The following MICU2 variants were observed in gnomAD, a reference collection of about 807,000 sequenced individuals.
MICU2 encodes mitochondrial calcium uptake 2.
Under a neutral mutation model 60.4 loss-of-function variants are expected in MICU2, and 64 were observed. The observed-to-expected ratio is 1.06, with a 90% CI of 0.87 to 1.31. The LOEUF (loss-of-function observed/expected upper bound fraction) is 1.31, where lower values mean the gene tolerates loss of function less well. MICU2 is among the 50% of genes most tolerant of loss of function. The probability of loss-of-function intolerance (pLI) is 0.00; values close to 1 mark genes in which losing one functional copy is unlikely to be tolerated. For synonymous variants in MICU2, 201 were observed against 175.0 expected (o/e 1.15, Z -1.17); for missense variants, 569 against 531.0 (o/e 1.07, Z -0.70).
intron 1 of MICU2, among the ~76,000 whole-genome samples, chr13:21,588,246 T>C (rs1888501402): frequency 6.6e-6 from 1 of 152,232 alleles, no homozygotes; most frequent in Non-Finnish European, 1.5e-5. Flanking sequence ...AAGATGCAAA[T>C]GCCTGGTTGG....
intron 1 of MICU2, among the ~76,000 whole-genome samples, chr13:21,595,804 G>A (rs908286406): frequency 9.9e-5 from 15 of 152,234 alleles, no homozygotes; most frequent in African/African-American, 3.6e-4. Flanking sequence ...CCCTGCTTTG[G>A]GGTGGAGGAG....
chr13:21,589,575 T>C (rs1888530661), intron 1 of MICU2, among the ~76,000 whole-genome samples: 2 of 152,240 alleles, frequency 1.3e-5, no homozygotes, highest in Non-Finnish European at 2.9e-5. Flanking sequence ...TTCAATTCTT[T>C]GCCTTCTACT....
chr13:21,589,072 G>C (rs7325693), intron 1 of MICU2, among the ~76,000 whole-genome samples: 82,486 of 152,094 alleles, frequency 0.54, 24,137 homozygotes, highest in East Asian at 1. Context: ...TTAGCAGAAA[G>C]AGTAGGAGTT....
chr13:21,571,385 G>T (rs1200891817), intron 1 of MICU2, among the ~76,000 whole-genome samples: 1 of 152,044 alleles, frequency 6.6e-6, no homozygotes, highest in Non-Finnish European at 1.5e-5. Flanking sequence ...AAAAATAATA[G>T]AAATTAAAAT....
At chr13:21,554,582 A>G (rs141755489) in intron 2 of MICU2, among the ~76,000 whole-genome samples, 4,492 of 152,306 alleles carry the variant, frequency 0.029, 96 homozygotes, top group African/African-American at 0.04. Context: ...AGAAAGCAGG[A>G]AAGATCTAAA....
chr13:21,598,781 G>A (rs1321676847), intron 1 of MICU2, among the ~76,000 whole-genome samples: 8 of 152,160 alleles, frequency 5.3e-5, no homozygotes, highest in Non-Finnish European at 7.4e-5. Flanking sequence ...CTACTGTTGA[G>A]TATCTACTTA....
At chr13:21,503,175 C>G in intron 8 of MICU2, 78 bp from the exon 9 acceptor site, 1 of 1,028,402 alleles carries the variant, frequency 9.7e-7, no homozygotes, top group Non-Finnish European at 1.4e-6. Context: ...CTGCAAAGTA[C>G]CTTCACTATT....
intron 4 of MICU2, among the ~76,000 whole-genome samples, chr13:21,528,971 G>A (rs1044512404): frequency 2.0e-5 from 3 of 152,096 alleles, no homozygotes; most frequent in Non-Finnish European, 4.4e-5. Context: ...GTATGAAAGC[G>A]TAAAAAGACG....
intron 1 of MICU2, among the ~76,000 whole-genome samples, chr13:21,586,750 T>C (rs1888468001): frequency 6.6e-6 from 1 of 152,192 alleles, no homozygotes; most frequent in Non-Finnish European, 1.5e-5. Context: ...TAGCTTAAGC[T>C]TATGTTTATT....
intron 4 of MICU2, among the ~76,000 whole-genome samples, chr13:21,528,898 G>A (rs1886920531): frequency 6.6e-6 from 1 of 152,168 alleles, no homozygotes; most frequent in African/African-American, 2.4e-5. Flanking sequence ...GGGAGAAGGT[G>A]GTGAGTCAGA....
At chr13:21,572,666 T>A (rs894639181) in intron 1 of MICU2, among the ~76,000 whole-genome samples, 3 of 152,232 alleles carry the variant, frequency 2.0e-5, no homozygotes, top group Non-Finnish European at 4.4e-5. Context: ...CCTTCCCACA[T>A]GCCTAAGGCT....
intron 6 of MICU2, among the ~76,000 whole-genome samples, chr13:21,519,114 T>C (rs145859998): frequency 1.4e-3 from 211 of 152,330 alleles, no homozygotes; most frequent in Middle Eastern, 6.8e-3. Context: ...TCGCTTGCGA[T>C]GGCACGATCT....
intron 1 of MICU2, among the ~76,000 whole-genome samples, chr13:21,568,115 AC>A (rs1422075396): frequency 9.2e-5 from 14 of 152,198 alleles, no homozygotes; most frequent in African/African-American, 3.4e-4. Flanking sequence ...CACACTGAAT[AC>A]TGATTCTATA....
intron 4 of MICU2, among the ~76,000 whole-genome samples, chr13:21,525,135 C>A (rs945540976): frequency 1.3e-5 from 2 of 151,332 alleles, no homozygotes; most frequent in African/African-American, 2.4e-5. Flanking sequence ...TGGGTATATA[C>A]CCAGAAGCAG....
intron 9 of MICU2, among the ~76,000 whole-genome samples, chr13:21,498,449 G>A (rs2138130582): frequency 7.3e-6 from 1 of 136,534 alleles, no homozygotes; most frequent in South Asian, 2.3e-4. Flanking sequence ...CGCAATCTTG[G>A]CTCACTGCAA....
intron 2 of MICU2, 87 bp downstream of exon 2, chr13:21,566,710 A>G: frequency 1.8e-6 from 2 of 1,118,980 alleles, no homozygotes; most frequent in Non-Finnish European, 2.5e-6. Flanking sequence ...ATTAAAATGA[A>G]GAAAAGCTGT....
At chr13:21,531,760 G>A (rs915124229) in intron 4 of MICU2, among the ~76,000 whole-genome samples, 11 of 152,148 alleles carry the variant, frequency 7.2e-5, no homozygotes, top group Non-Finnish European at 1.0e-4. Context: ...GCACACTCAC[G>A]TTATCTTGCT....
At chr13:21,520,171 C>T (rs534516009) in intron 6 of MICU2, among the ~76,000 whole-genome samples, 1 of 152,248 alleles carries the variant, frequency 6.6e-6, no homozygotes, top group Non-Finnish European at 1.5e-5. Flanking sequence ...AAGTAGTATT[C>T]TATTGTATGG....
intron 2 of MICU2, among the ~76,000 whole-genome samples, chr13:21,564,342 GAC>G (rs1887923709): frequency 6.6e-6 from 1 of 152,150 alleles, no homozygotes; most frequent in Non-Finnish European, 1.5e-5. Context: ...AGTTGTAGGT[GAC>G]AGAGGCTAAA....
Sources: gnomAD v4.1 joint callset for allele counts (sites outside exome capture counted in the v4.1 genomes callset) on GRCh38, gnomAD v4.1.1 for gene constraint, MANE v1.5 for transcripts, NCBI Gene and HGNC (gene_info 2026-07-23, HGNC 2026-07-21) for gene names.